IGF1R: variants seen among roughly 807,000 people sequenced by gnomAD.
IGF1R encodes insulin like growth factor 1 receptor.
In IGF1R, 44 loss-of-function variants were observed where a neutral mutation model predicts 144.6. The ratio of observed to expected loss-of-function variants is 0.30; its 90% CI spans 0.24 to 0.39. IGF1R has a LOEUF of 0.39. Among genes scored for constraint, IGF1R ranks in the 10% least tolerant of loss-of-function variants. The probability of loss-of-function intolerance (pLI) is 1.00; values close to 1 mark genes in which losing one functional copy is unlikely to be tolerated. For synonymous variants in IGF1R, 795 were observed against 722.8 expected (o/e 1.10, Z -1.60); for missense variants, 1,355 against 1,833.7 (o/e 0.74, Z 4.77).
At chr15:98,676,683 T>C (rs964491458) in intron 1 of IGF1R, among the ~76,000 whole-genome samples, 5 of 152,306 alleles carry the variant, frequency 3.3e-5, no homozygotes, top group African/African-American at 9.6e-5. Flanking sequence ...ATTCATTAGG[T>C]TTTGATTGTT....
At chr15:98,828,085 G>A (rs144531777) in intron 2 of IGF1R, among the ~76,000 whole-genome samples, 1 of 152,288 alleles carries the variant, frequency 6.6e-6, no homozygotes. Context: ...TTCCCGCTGG[G>A]GGCATTCACC....
intron 6 of IGF1R, among the ~76,000 whole-genome samples, 179 bp from the exon 7 acceptor site, chr15:98,911,136 C>T (rs1313993061): frequency 6.6e-6 from 1 of 152,296 alleles, no homozygotes; most frequent in African/African-American, 2.4e-5. Context: ...GCCCTTGGAG[C>T]TCTGCATAGT....
At chr15:98,754,553 G>C (rs549400019) in intron 2 of IGF1R, among the ~76,000 whole-genome samples, 1 of 152,308 alleles carries the variant, frequency 6.6e-6, no homozygotes, top group Non-Finnish European at 1.5e-5. Context: ...GGCAGCTCCA[G>C]GAACACTGAA....
intron 2 of IGF1R, among the ~76,000 whole-genome samples, chr15:98,821,182 C>G (rs2056794691): frequency 6.6e-6 from 1 of 152,090 alleles, no homozygotes; most frequent in South Asian, 2.1e-4. Context: ...TAAACAACTT[C>G]TGGTGTGAGA....
At position 98,698,551 on chromosome 15, in the gene IGF1R, CT is replaced by C. The variant is rs371177180; in HGVS notation, c.95-9007del. ...ATGAGCAGAATCCGCAGGATTTCTC[CT>C]TTTGTGACTGCCTTATTTCACTTAG... On this transcript the variant is annotated intron_variant, in intron 1 of 20. Coordinates refer to ENST00000650285, the MANE Select transcript of IGF1R (RefSeq NM_000875.5). Among the ~76,000 whole-genome samples the C allele has an allele frequency of 1.3e-3, 197 of 152,338 alleles. 2 individuals are homozygous for C. Among genetic ancestry groups the C allele is most frequent in the African/African-American group, 4.4e-3 (185 of 41,576 alleles).
intron 11 of IGF1R, among the ~76,000 whole-genome samples, chr15:98,922,860 C>T (rs1401812381): frequency 6.6e-6 from 1 of 152,208 alleles, no homozygotes; most frequent in Admixed American, 6.5e-5. Context: ...CTGGAGCAGC[C>T]TCTGGTCTTG....
intron 18 of IGF1R, among the ~76,000 whole-genome samples, chr15:98,939,935 C>A (rs1251919809): frequency 6.6e-6 from 1 of 152,212 alleles, no homozygotes; most frequent in South Asian, 2.1e-4. Context: ...CGACCACTCT[C>A]TCACAACACT....
At chr15:98,907,015 G>T (rs1209606211) in intron 5 of IGF1R, among the ~76,000 whole-genome samples, 1 of 152,162 alleles carries the variant, frequency 6.6e-6, no homozygotes, top group Non-Finnish European at 1.5e-5. Context: ...GACTCCTTCT[G>T]GTCGTTCTTA....
chr15:98,872,642 T>C (rs778048936), intron 2 of IGF1R, among the ~76,000 whole-genome samples: 3 of 152,218 alleles, frequency 2.0e-5, no homozygotes, highest in African/African-American at 7.2e-5. Context: ...ATTTGTCTTA[T>C]GTGTATACTG....
At position 98,648,633 on chromosome 15, in the gene IGF1R, G is replaced by A. The variant is rs1440587348; in HGVS notation, c.-949G>A. On this transcript the variant is annotated 5_prime_UTR_variant, in exon 1 of 21. Coordinates refer to ENST00000650285, the MANE Select transcript of IGF1R (RefSeq NM_000875.5). ...GCGGAAAAAAAAAGGGAAAAAACCC[G>A]AGGAGGAGCGAGCGCACCAGGCGAA... Among the ~76,000 whole-genome samples, 1 of 146,894 alleles carries A rather than the reference G, an allele frequency of 6.8e-6. No homozygotes were observed. Among genetic ancestry groups the A allele is most frequent in the South Asian group, 2.1e-4 (1 of 4,794 alleles).
chr15:98,871,992 T>G (rs1339736691), intron 2 of IGF1R, among the ~76,000 whole-genome samples: 2 of 152,256 alleles, frequency 1.3e-5, no homozygotes, highest in African/African-American at 4.8e-5. Flanking sequence ...AACTCCTTCC[T>G]AGTGGAAGTT....
intron 2 of IGF1R, among the ~76,000 whole-genome samples, chr15:98,760,402 G>A (rs1156648859): frequency 6.6e-6 from 1 of 152,078 alleles, no homozygotes; most frequent in Non-Finnish European, 1.5e-5. Context: ...TACTATAGTG[G>A]TGGCATTCTG....
At chr15:98,922,576 G>T in intron 11 of IGF1R, 145 bp downstream of exon 11, 1 of 932,182 alleles carries the variant, frequency 1.1e-6, no homozygotes, top group East Asian at 2.5e-5. Context: ...TCATTGGCAG[G>T]TGGCGTGTAG....
intron 2 of IGF1R, among the ~76,000 whole-genome samples, chr15:98,753,433 A>G (rs896107950): frequency 6.0e-5 from 6 of 100,428 alleles, no homozygotes; most frequent in South Asian, 6.3e-4. Context: ...GGGTCATTCT[A>G]TGTTGCCCAG....
intron 2 of IGF1R, among the ~76,000 whole-genome samples, chr15:98,874,032 C>T (rs538119651): frequency 6.6e-6 from 1 of 152,290 alleles, no homozygotes; most frequent in Non-Finnish European, 1.5e-5. Flanking sequence ...GCGGCGCTTC[C>T]TCTGCCGGGG....
chr15:98,916,170 G>C (rs372494502), intron 9 of IGF1R, 39 bp downstream of exon 9: 1 of 1,598,742 alleles, frequency 6.3e-7, no homozygotes, highest in Non-Finnish European at 8.6e-7. Context: ...GGGTGTGACC[G>C]TTCATTCCTG....
intron 1 of IGF1R, among the ~76,000 whole-genome samples, chr15:98,669,648 C>T (rs1346422017): frequency 6.6e-6 from 1 of 152,208 alleles, no homozygotes. Context: ...GAAACACTGT[C>T]TTCCCATTAG....
intron 1 of IGF1R, among the ~76,000 whole-genome samples, chr15:98,691,862 A>G (rs1415851045): frequency 1.3e-5 from 2 of 152,156 alleles, no homozygotes; most frequent in African/African-American, 4.8e-5. Flanking sequence ...CTAGAAGAGG[A>G]GTCACTGTTC....
chr15:98,718,685 G>C (rs2054178198), intron 2 of IGF1R, among the ~76,000 whole-genome samples: 1 of 152,234 alleles, frequency 6.6e-6, no homozygotes, highest in South Asian at 2.1e-4. Flanking sequence ...GCTTGGACGT[G>C]TTTTAGCAGC....
Sources: gnomAD v4.1 joint callset for allele counts (sites outside exome capture counted in the v4.1 genomes callset) on GRCh38, gnomAD v4.1.1 for gene constraint, MANE v1.5 for transcripts, NCBI Gene and HGNC (gene_info 2026-07-23, HGNC 2026-07-21) for gene names.